Variants in DCHS2 observed in about 807,000 individuals in gnomAD.
DCHS2 encodes the protein protocadherin-23.
In DCHS2, 142 loss-of-function variants were observed where a neutral mutation model predicts 182.4. That is an observed-to-expected ratio of 0.78 (90% confidence interval 0.68 to 0.89). The LOEUF is 0.89. DCHS2 is among the 40% of genes least tolerant of loss of function. The pLI, the probability that DCHS2 is intolerant of heterozygous loss-of-function variation, is 0.00. For missense variants in DCHS2, 4,319 were observed against 4,198.6 expected, an observed-to-expected ratio of 1.03 and a Z score of -0.79; for synonymous variants, 1,740 against 1,663.3, an observed-to-expected ratio of 1.05 and a Z score of -1.12.
At chr4:154,290,459 A>C (rs893494770) in intron 13 of DCHS2, among the ~76,000 whole-genome samples, 1 of 152,118 alleles carries the variant, frequency 6.6e-6, no homozygotes, top group African/African-American at 2.4e-5. Flanking sequence ...ATATGAAATC[A>C]TAAAAGACCC....
At chr4:154,467,162 T>G (rs182118272) in intron 1 of DCHS2, among the ~76,000 whole-genome samples, 1 of 152,282 alleles carries the variant, frequency 6.6e-6, no homozygotes, top group East Asian at 1.9e-4. Flanking sequence ...AATCAAAATG[T>G]GTGCAAGGCT....
Position 154,236,972 on chromosome 4 carries a change from C to A in DCHS2, c.7680G>T (p.Glu2560Asp). ...CAAGCGTGCTTCCAACCAGAGCATCCTCACTTAGGCTAAGATTATAGGATT... is the reference window on the plus strand; with the variant it reads ...CAAGCGTGCTTCCAACCAGAGCATCATCACTTAGGCTAAGATTATAGGATT... ...TVKSYNLSLS[E>D]DALVGSTLVT... The change falls in exon 20 of 20, where the codon GAG becomes GAT. Residue 2560 changes from glutamate (E) to aspartate (D), a missense_variant. Physicochemically the swap from Glu to Asp is conservative, Grantham distance 45. Coordinates refer to ENST00000357232, the MANE Select transcript of DCHS2 (RefSeq NM_001358235.2). 1 of 1,614,014 alleles carries A rather than the reference C, an allele frequency of 6.2e-7. No individual in the cohort carries two copies. The highest frequency in any genetic ancestry group is 8.5e-7 in the Non-Finnish European group (1 of 1,179,928).
At chr4:154,330,265 A>C (rs935968406) in intron 5 of DCHS2, among the ~76,000 whole-genome samples, 1 of 152,264 alleles carries the variant, frequency 6.6e-6, no homozygotes, top group African/African-American at 2.4e-5. Flanking sequence ...CTTTCTGGAA[A>C]TCAAATAATA....
chr4:154,405,126 T>C (rs1579052342), intron 1 of DCHS2, among the ~76,000 whole-genome samples: 1 of 152,222 alleles, frequency 6.6e-6, no homozygotes, highest in East Asian at 1.9e-4. Flanking sequence ...GGCGGTCACC[T>C]GTAATCCCAT....
intron 1 of DCHS2, among the ~76,000 whole-genome samples, chr4:154,419,276 G>A (rs192840476): frequency 1.3e-5 from 2 of 152,290 alleles, no homozygotes; most frequent in Admixed American, 6.5e-5. Context: ...CTGGACTTAC[G>A]TAGGTTATTA....
At chr4:154,318,828 T>C (rs1735950900) in intron 9 of DCHS2, among the ~76,000 whole-genome samples, 1 of 152,120 alleles carries the variant, frequency 6.6e-6, no homozygotes, top group African/African-American at 2.4e-5. Flanking sequence ...GTGGCATTTG[T>C]TGTAGAAATA....
rs751314300 is a variant in DCHS2, at chr4:154,236,530, T to G, written c.8122A>C (p.Asn2708His). The G allele has an allele frequency of 1.5e-5, 24 of 1,614,008 alleles. No individual in the cohort carries two copies. The Admixed American group carries it at 4.0e-4, about 27-fold the overall frequency. Residue 2708 changes from asparagine (N) to histidine (H), a missense_variant, in exon 20 of 20, where the codon AAT becomes CAT. Transcript: ENST00000357232. ...AEIIYNIISGNEKGHFYLEEN... is the reference protein window; with the variant it reads ...AEIIYNIISGHEKGHFYLEEN... ...TCTAAGTAAAAATGTCCCTTCTCATTTCCAGAGATGATGTTGTAGATGATT... is the reference window on the plus strand; with the variant it reads ...TCTAAGTAAAAATGTCCCTTCTCATGTCCAGAGATGATGTTGTAGATGATT...
chr4:154,454,292 G>A (rs1407113495), intron 1 of DCHS2, among the ~76,000 whole-genome samples: 3 of 152,108 alleles, frequency 2.0e-5, no homozygotes, highest in Non-Finnish European at 4.4e-5. Flanking sequence ...CACCCAGGCT[G>A]AAGTTCAGTG....
chr4:154,266,787 T>C (rs547103810), intron 14 of DCHS2, among the ~76,000 whole-genome samples: 1 of 152,360 alleles, frequency 6.6e-6, no homozygotes, highest in South Asian at 2.1e-4. Flanking sequence ...TTTTGTCTTT[T>C]CATATCTGTG....
At chr4:154,472,077 G>A (rs2111019907) in intron 1 of DCHS2, among the ~76,000 whole-genome samples, 1 of 152,306 alleles carries the variant, frequency 6.6e-6, no homozygotes, top group Admixed American at 6.5e-5. Context: ...GGTTTGGATT[G>A]CAAGAAGTTA....
At chr4:154,452,715 C>G (rs1734587989) in intron 1 of DCHS2, among the ~76,000 whole-genome samples, 1 of 152,106 alleles carries the variant, frequency 6.6e-6, no homozygotes, top group South Asian at 2.1e-4. Context: ...CTAAATCCAT[C>G]CAAATAACCC....
At chr4:154,311,948 ATTCTTT>A (rs1295106088) in intron 10 of DCHS2, among the ~76,000 whole-genome samples, 1 of 151,978 alleles carries the variant, frequency 6.6e-6, no homozygotes, top group Non-Finnish European at 1.5e-5. Flanking sequence ...ACTGGTCCTT[ATTCTTT>A]TTCATCTCCT....
chr4:154,414,574 C>G (rs998443331), intron 1 of DCHS2, among the ~76,000 whole-genome samples: 1 of 138,280 alleles, frequency 7.2e-6, no homozygotes, highest in African/African-American at 2.7e-5. Flanking sequence ...TTCCTGACAT[C>G]ATTGTACACT....
intron 16 of DCHS2, among the ~76,000 whole-genome samples, chr4:154,251,389 TTC>T (rs1364861840): frequency 1.1e-5 from 1 of 89,334 alleles, no homozygotes; most frequent in Admixed American, 1.4e-4. Context: ...GAGTTCCCAT[TTC>T]TTTATTTTAT....
In DCHS2 at chr4:154,489,694, A is replaced by AGGGGCC; in HGVS notation, c.1656_1661dup (p.Ala553_Pro554dup). ...CGCTGACCCACATGACTACAGTGCC[A>AGGGGCC]GGGGCCGCGGCCTCGGACACTGAGG... On this transcript the variant is annotated inframe_insertion, in exon 1 of 20. Coordinates refer to ENST00000357232, the MANE Select transcript of DCHS2 (RefSeq NM_001358235.2). 1 of 1,551,696 alleles carries AGGGGCC rather than the reference A, an allele frequency of 6.4e-7. No individual in the cohort carries two copies. Among genetic ancestry groups the AGGGGCC allele is most frequent in the East Asian group, 2.4e-5 (1 of 40,896 alleles).
At chr4:154,412,217 A>G (rs1356543749) in intron 1 of DCHS2, among the ~76,000 whole-genome samples, 1 of 152,220 alleles carries the variant, frequency 6.6e-6, no homozygotes, top group Non-Finnish European at 1.5e-5. Context: ...TCTTGTCAAC[A>G]TTGGGAATAA....
chr4:154,280,513 G>A (rs1001222726), intron 13 of DCHS2, among the ~76,000 whole-genome samples: 7 of 151,970 alleles, frequency 4.6e-5, no homozygotes, highest in African/African-American at 1.7e-4. Flanking sequence ...CACATTAAAA[G>A]GATTATATAC....
chr4:154,241,685 A>C (rs1453685458), intron 17 of DCHS2, among the ~76,000 whole-genome samples: 2 of 152,154 alleles, frequency 1.3e-5, no homozygotes, highest in Non-Finnish European at 2.9e-5. Flanking sequence ...TGATTTATGT[A>C]GTTTCTTCTT....
intron 1 of DCHS2, among the ~76,000 whole-genome samples, chr4:154,398,043 C>T (rs866108526): frequency 3.8e-4 from 58 of 152,210 alleles, no homozygotes; most frequent in African/African-American, 1.3e-3. Flanking sequence ...CAATAATGGG[C>T]ATGAAAGTAG....
Sources: allele counts gnomAD v4.1 joint callset (sites outside exome capture counted in the v4.1 genomes callset), GRCh38; gene constraint gnomAD v4.1.1; transcripts MANE v1.5; gene names NCBI Gene and HGNC (gene_info 2026-07-23, HGNC 2026-07-21).